Variants in SMC6 observed in about 807,000 individuals in gnomAD.
The protein encoded by SMC6 is structural maintenance of chromosomes 6, also known as structural maintenance of chromosomes protein 6.
A neutral mutation model predicts 142.2 loss-of-function variants in SMC6; 79 were observed. The observed-to-expected ratio is 0.56, with a 90% CI of 0.46 to 0.67. The LOEUF (loss-of-function observed/expected upper bound fraction) is 0.67. Ranked by LOEUF, SMC6 falls within the 30% of genes least tolerant of loss-of-function variation. SMC6 has a pLI of 0.00. For missense variants in SMC6, 1,072 were observed against 1,284.0 expected, an observed-to-expected ratio of 0.83 and a Z score of 2.52; for synonymous variants, 411 against 412.4, an observed-to-expected ratio of 1.00 and a Z score of 0.04.
intron 17 of SMC6, 100 bp from the exon 18 acceptor site, chr2:17,707,479 T>G (rs1258838604): frequency 6.4e-6 from 4 of 626,946 alleles, no homozygotes; most frequent in South Asian, 6.0e-5. Context: ...TTTAATATGA[T>G]TCAAGTATTC....
intron 13 of SMC6, 34 bp from the exon 14 acceptor site, chr2:17,716,939 G>A: frequency 6.3e-7 from 1 of 1,577,748 alleles, no homozygotes; most frequent in Non-Finnish European, 8.6e-7. Context: ...AAAAATGTTA[G>A]TTCAATGAAC....
rs1454044505 is a variant in SMC6 at position 17,731,861 on chromosome 2, T to C, written c.361A>G (p.Ile121Val). 3.7e-6 allele frequency: 6 copies of C among 1,613,602 alleles called. No individual in the cohort carries two copies. Among genetic ancestry groups the C allele is most frequent in the Non-Finnish European group, 5.1e-6 (6 of 1,179,750 alleles). Residue 121 changes from isoleucine (I) to valine (V), a missense_variant, in exon 6 of 28, where the codon ATA (isoleucine) becomes GTA (valine). Ile to Val is a conservative substitution (Grantham distance 29). Coordinates refer to ENST00000448223, the MANE Select transcript of SMC6 (RefSeq NM_001142286.2). ...TCATCTCCTCTGTTCCTCAATGTTA[T>C]TGAGATATCTGCAGAGCTGAAAGAA... Reference protein sequence around the residue: ...KDGQNSADISITLRNRGDDAF... With the variant: ...KDGQNSADISVTLRNRGDDAF...
In SMC6 at chr2:17,718,135, T is replaced by C. The variant is rs1669191935; in HGVS notation, c.1034A>G (p.Glu345Gly). 1.2e-6 allele frequency: 2 copies of C among 1,611,916 alleles called. No homozygotes were observed. The highest frequency in any genetic ancestry group is 1.7e-6 in the Non-Finnish European group (2 of 1,178,632). The change falls in exon 12 of 28, where the codon GAA (glutamate) becomes GGA (glycine). Residue 345 changes from glutamate to glycine, a missense_variant. Physicochemically the swap from Glu to Gly is moderately conservative, Grantham distance 98 (BLOSUM62 -2). Around this residue, in one of 3 missense-constraint regions of SMC6, gnomAD observed 994 missense variants for 1,153.2 expected, o/e 0.86. Coordinates refer to ENST00000448223, the MANE Select transcript of SMC6 (RefSeq NM_001142286.2). ...ISEETNARAPECMALKADVVA... is the reference protein window; with the variant it reads ...ISEETNARAPGCMALKADVVA... ...AACATCTGCTTTCAATGCCATACAT[T>C]CTGGTGCTCGTGCATTTGTCTCTTC...
chr2:17,729,431 C>T (rs909371757), intron 7 of SMC6, among the ~76,000 whole-genome samples: 15 of 152,106 alleles, frequency 9.9e-5, no homozygotes, highest in African/African-American at 3.4e-4. Context: ...CAGAAATAGG[C>T]TTTTTTCAAT....
intron 5 of SMC6, among the ~76,000 whole-genome samples, chr2:17,733,480 AGCTTTGATAAAT>A (rs1160402055): frequency 2.0e-5 from 3 of 152,264 alleles, no homozygotes; most frequent in Admixed American, 6.5e-5. Context: ...GTAATTGTAT[AGCTTTGATAAAT>A]GCATCTTAGT....
rs752829737 is a variant in SMC6, at chr2:17,717,109, C to A, written c.1160G>T (p.Arg387Leu). ...LKKDDEQLCKRIEELKKSTDQ... is the reference protein window; with the variant it reads ...LKKDDEQLCKLIEELKKSTDQ... ...CTACCTTTTTTTCAGCTCTTCAATT[C>A]GTTTACAAAGCTGCTCATCATCTTT... The change falls in exon 13 of 28, where the codon CGA becomes CTA. Residue 387 changes from arginine to leucine, a missense_variant. Coordinates refer to ENST00000448223, the MANE Select transcript of SMC6 (RefSeq NM_001142286.2). 3.1e-6 allele frequency: 5 copies of A among 1,610,352 alleles called. No individual in the cohort carries two copies. The highest frequency in any genetic ancestry group is 4.2e-6 in the Non-Finnish European group (5 of 1,178,650).
chr2:17,753,408 G>T (rs145957118), intron 1 of SMC6, among the ~76,000 whole-genome samples: 1 of 99,408 alleles, frequency 1.0e-5, no homozygotes, highest in Admixed American at 9.2e-5. Flanking sequence ...TCAGGAGACC[G>T]GTGCCGCCTC....
In SMC6 at chr2:17,703,258, G is replaced by A; in HGVS notation, c.2041C>T (p.Gln681Ter). ...LENEVENKTAQILNLQQHLSA... is the reference protein window; with the variant it reads ...LENEVENKTA ...AAATGTTGCTGAAGATTTAATATCT[G>A]GGCCGTCTTATTTTCAACCTCATTC... Residue 681 changes from glutamine (Q) to a stop codon, truncating the protein, a stop_gained, in exon 19 of 28, where the codon CAG becomes TAG. Transcript: ENST00000448223. LOFTEE classifies it high-confidence loss of function. The A allele has an allele frequency of 6.2e-7, 1 of 1,605,576 alleles. No homozygotes were observed. The highest frequency in any genetic ancestry group is 8.5e-7 in the Non-Finnish European group (1 of 1,176,370).
At chr2:17,713,934 C>T (rs1668951525) in intron 16 of SMC6, among the ~76,000 whole-genome samples, 1 of 152,120 alleles carries the variant, frequency 6.6e-6, no homozygotes, top group Non-Finnish European at 1.5e-5. Flanking sequence ...TACCTATTAA[C>T]ATGAGTTAAT....
intron 7 of SMC6, among the ~76,000 whole-genome samples, chr2:17,730,660 T>C (rs1463577314): frequency 6.6e-6 from 1 of 151,500 alleles, no homozygotes; most frequent in Non-Finnish European, 1.5e-5. Context: ...TGGAGTGCAG[T>C]GGCACAATCT....
At chr2:17,737,304 G>A (rs959885537) in intron 5 of SMC6, among the ~76,000 whole-genome samples, 4 of 152,200 alleles carry the variant, frequency 2.6e-5, no homozygotes, top group Non-Finnish European at 4.4e-5. Context: ...ATAACACTGA[G>A]CAGAAGGAAA....
intron 2 of SMC6, among the ~76,000 whole-genome samples, chr2:17,749,632 G>A (rs1240801809): frequency 6.6e-6 from 1 of 152,068 alleles, no homozygotes; most frequent in Admixed American, 6.5e-5. Context: ...AGGTTGCAGT[G>A]AGCCGAGACT....
At chr2:17,726,600 G>A (rs1047235592) in intron 7 of SMC6, 131 bp from the exon 8 acceptor site, 16 of 609,364 alleles carry the variant, frequency 2.6e-5, no homozygotes, top group Admixed American at 1.9e-4. Context: ...AGGTTATAAC[G>A]TTAGGATAAA....
intron 25 of SMC6, among the ~76,000 whole-genome samples, chr2:17,672,633 A>G (rs10196322): frequency 0.02 from 2,997 of 152,252 alleles, 102 homozygotes; most frequent in African/African-American, 0.069. Context: ...AATCACTCTT[A>G]ACAGTTTCTG....
chr2:17,736,187 G>A (rs1041804725), intron 5 of SMC6, among the ~76,000 whole-genome samples: 4 of 152,154 alleles, frequency 2.6e-5, no homozygotes, highest in Non-Finnish European at 5.9e-5. Flanking sequence ...TCTGCTTTTC[G>A]TTAGTTTTTT....
intron 16 of SMC6, chr2:17,713,601 CAAG>C (rs764016803): frequency 6.5e-6 from 3 of 463,046 alleles, no homozygotes; most frequent in African/African-American, 6.0e-5. Context: ...AGTTCAGATT[CAAG>C]AAGGACATTC....
At chr2:17,732,077 G>A (rs1210770469) in intron 5 of SMC6, among the ~76,000 whole-genome samples, 200 bp from the exon 6 acceptor site, 1 of 152,176 alleles carries the variant, frequency 6.6e-6, no homozygotes, top group Non-Finnish European at 1.5e-5. Context: ...AAATAAAGTT[G>A]AGAATAAGTG....
Position 17,666,520 on chromosome 2 carries a change from GAAAAACAAAGGCAAAAGT to G in SMC6, c.3064-21_3064-4del, listed in dbSNP as rs755846681. ...GCAATTCTCCTATTAACCATATCCT[GAAAAACAAAGGCAAAAGT>G]TAGGATTGCTATTGTGTAAGTCACA... On this transcript the variant is annotated splice_polypyrimidine_tract_variant and splice_region_variant and intron_variant, in intron 26 of 27. Transcript: ENST00000448223. 9 of 1,609,260 alleles carry G rather than the reference GAAAAACAAAGGCAAAAGT, an allele frequency of 5.6e-6. No homozygotes were observed. In the South Asian group the frequency reaches 9.9e-5, roughly 18 times the overall value.
At chr2:17,668,001 CTG>C (rs57091754) in intron 26 of SMC6, among the ~76,000 whole-genome samples, 1,996 of 152,282 alleles carry the variant, frequency 0.013, 23 homozygotes, top group East Asian at 0.03. Context: ...GGCATATCTG[CTG>C]TGAGAGGCCT....
Sources: allele counts gnomAD v4.1 joint callset (sites outside exome capture counted in the v4.1 genomes callset), GRCh38; gene constraint gnomAD v4.1.1; regional missense constraint gnomAD v4.1.1; transcripts MANE v1.5; gene names NCBI Gene and HGNC (gene_info 2026-07-23, HGNC 2026-07-21).